BLM: variants seen among roughly 807,000 people sequenced by gnomAD.
BLM encodes recQ-like DNA helicase BLM.
In BLM, 95 loss-of-function variants were observed where a neutral mutation model predicts 135.3. The observed-to-expected ratio is 0.70, with a 90% CI of 0.59 to 0.83. The LOEUF is 0.83. Among genes scored for constraint, BLM ranks in the 40% least tolerant of loss-of-function variants. The pLI, the probability that BLM is intolerant of heterozygous loss-of-function variation, is 0.00. For synonymous variants in BLM, 520 were observed against 589.2 expected, an observed-to-expected ratio of 0.88 and a Z score of 1.70; for missense variants, 1,518 against 1,663.9, an observed-to-expected ratio of 0.91 and a Z score of 1.53.
rs764488484 is a variant in BLM at position 90,765,362 on chromosome 15, C to G, written c.2141C>G (p.Ser714Cys). ...CVSPGVTVVISPLRSLIVDQV... is the reference protein window; with the variant it reads ...CVSPGVTVVICPLRSLIVDQV... ...TCTCCTGGGGTCACTGTTGTCATTT[C>G]TCCCTTGAGATCACTTATCGTAGAT... Residue 714 changes from serine to cysteine, a missense_variant, in exon 9 of 22, where the codon TCT (serine) becomes TGT (cysteine). Physicochemically the swap from Ser to Cys is moderately radical, Grantham distance 112. Coordinates refer to ENST00000355112, the MANE Select transcript of BLM (RefSeq NM_000057.4). The G allele has an allele frequency of 1.2e-6, 2 of 1,613,864 alleles. No individual in the cohort carries two copies. Among genetic ancestry groups the G allele is most frequent in the Admixed American group, 1.7e-5 (1 of 60,006 alleles).
Position 90,761,078 on chromosome 15 carries a change from G to T in BLM, c.1705G>T (p.Asp569Tyr). 1 of 1,569,296 alleles carries T rather than the reference G, an allele frequency of 6.4e-7. No individual in the cohort carries two copies. Among genetic ancestry groups the T allele is most frequent in the Non-Finnish European group, 8.6e-7 (1 of 1,161,668 alleles). Residue 569 changes from aspartate to tyrosine, a missense_variant, in exon 7 of 22, where the codon GAC (aspartate) becomes TAC (tyrosine). Physicochemically the swap from Asp to Tyr is radical, Grantham distance 160. Coordinates refer to ENST00000355112, the MANE Select transcript of BLM (RefSeq NM_000057.4). ...CTTTGATGATGATGATGACTGGGAAGACATAATGCATAATTTAGCAGCCAG... is the reference window on the plus strand; with the variant it reads ...CTTTGATGATGATGATGACTGGGAATACATAATGCATAATTTAGCAGCCAG... ...DDFDDDDDWE[D>Y]IMHNLAASKS...
chr15:90,794,725 T>C (rs2151187711), intron 16 of BLM, among the ~76,000 whole-genome samples: 1 of 148,942 alleles, frequency 6.7e-6, no homozygotes, highest in East Asian at 1.9e-4. Flanking sequence ...TATAATACAT[T>C]ATATTAAAAA....
Position 90,720,300 on chromosome 15 carries a change from CAG to C in BLM, c.-5+2865_-5+2866del, listed in dbSNP as rs528051429. ...CTGAATGAAAAATACAAGTTGAAGA[CAG>C]AGAGTGAAAGTTCTTGGAGTTATGA... is the stretch of plus-strand genomic sequence containing the variant. On this transcript the variant is annotated intron_variant, in intron 1 of 21. Coordinates refer to ENST00000355112, the MANE Select transcript of BLM (RefSeq NM_000057.4). Among the ~76,000 whole-genome samples, 401 of 152,242 alleles carry C rather than the reference CAG, an allele frequency of 2.6e-3. 1 individual carries two copies. Among genetic ancestry groups the C allele is most frequent in the African/African-American group, 9.3e-3 (388 of 41,554 alleles).
intron 16 of BLM, among the ~76,000 whole-genome samples, chr15:90,796,627 G>C (rs1390100745): frequency 1.3e-5 from 2 of 152,166 alleles, no homozygotes; most frequent in Non-Finnish European, 2.9e-5. Flanking sequence ...AGGAATGATA[G>C]GCTAGGGAAG....
intron 17 of BLM, among the ~76,000 whole-genome samples, chr15:90,799,519 A>G (rs1336497590): frequency 6.6e-6 from 1 of 151,840 alleles, no homozygotes; most frequent in Non-Finnish European, 1.5e-5. Flanking sequence ...TTTTGGAAAT[A>G]GAAAATAAAG....
chr15:90,755,575 G>C (rs1013766838), intron 5 of BLM, among the ~76,000 whole-genome samples: 1 of 151,806 alleles, frequency 6.6e-6, no homozygotes, highest in Non-Finnish European at 1.5e-5. Context: ...TCCCACTCTT[G>C]GTGTCTGCTG....
chr15:90,781,168 A>G (rs1190740282), intron 12 of BLM, among the ~76,000 whole-genome samples: 1 of 152,180 alleles, frequency 6.6e-6, no homozygotes, highest in Non-Finnish European at 1.5e-5. Context: ...AGTCAGCCAC[A>G]TTTTATTTGG....
At position 90,811,738 on chromosome 15, in the gene BLM, A is replaced by G. The variant is rs572342397; in HGVS notation, c.4076+332A>G. 4.6e-5 allele frequency among the ~76,000 whole-genome samples: 7 copies of G among 152,170 alleles called. No individual in the cohort carries two copies. In the South Asian group the frequency reaches 1.0e-3, roughly 23 times the overall value. On this transcript the variant is annotated intron_variant, in intron 21 of 21. Transcript: ENST00000355112. ...AGTGGCACAATCTCGGCTCACTGCAACCTCTGCCTCCTGTACTCAAGTGAT... is the reference window on the plus strand; with the variant it reads ...AGTGGCACAATCTCGGCTCACTGCAGCCTCTGCCTCCTGTACTCAAGTGAT...
In BLM at chr15:90,790,837, T is replaced by C. The variant is rs2151184763; in HGVS notation, c.3012T>C (p.Leu1004=). Residue 1004 remains leucine, a synonymous_variant, in exon 15 of 22, where the codon CTT becomes CTC. Transcript: ENST00000355112. ...TYHDVTRLKR[L]IMMEKDGNHH... ...ATGATGTGACCAGACTGAAAAGACT[T>C]ATAATGAGTAAGCTGGGCTCCATTG... is the stretch of plus-strand genomic sequence containing the variant. The C allele has an allele frequency of 6.2e-7, 1 of 1,613,544 alleles. No individual in the cohort carries two copies. Among genetic ancestry groups the C allele is most frequent in the Non-Finnish European group, 8.5e-7 (1 of 1,179,450 alleles).
intron 12 of BLM, among the ~76,000 whole-genome samples, chr15:90,776,175 C>T (rs907488485): frequency 6.6e-6 from 1 of 152,116 alleles, no homozygotes; most frequent in Non-Finnish European, 1.5e-5. Flanking sequence ...ACGTAATGAT[C>T]AGTCATCAAA....
intron 16 of BLM, among the ~76,000 whole-genome samples, chr15:90,795,005 T>C (rs1050658354): frequency 3.3e-5 from 5 of 152,168 alleles, no homozygotes; most frequent in African/African-American, 9.7e-5. Context: ...ATCTTGGTAA[T>C]TCTACATTTT....
Position 90,759,923 on chromosome 15 carries a change from A to G in BLM, c.1088-224A>G, listed in dbSNP as rs1186076794. The G allele has an allele frequency of 5.8e-5, 21 of 360,758 alleles. 1 individual carries two copies. The highest frequency in any genetic ancestry group is 6.6e-5 in the East Asian group (1 of 15,132). 22.3% of individuals were successfully genotyped at this position (360,758 alleles called of 1,614,324 possible). ...TGCCCAGCCCCACTTTAAAAAAAAA[A>G]AAAAAAAAGAAAAAGAAATCAAGAT... On this transcript the variant is annotated intron_variant, in intron 5 of 21. Coordinates refer to ENST00000355112, the MANE Select transcript of BLM (RefSeq NM_000057.4).
chr15:90,810,732 T>C (rs1169746611), intron 20 of BLM, among the ~76,000 whole-genome samples: 1 of 152,248 alleles, frequency 6.6e-6, no homozygotes, highest in East Asian at 1.9e-4. Flanking sequence ...AATTTTCTTA[T>C]GTTCATTTAC....
At chr15:90,718,207 T>C (rs1204232050) in intron 1 of BLM, among the ~76,000 whole-genome samples, 1 of 152,228 alleles carries the variant, frequency 6.6e-6, no homozygotes, top group Non-Finnish European at 1.5e-5. Context: ...GAGAAGCGGA[T>C]GAAATTGTCC....
At chr15:90,778,540 T>A (rs1225078334) in intron 12 of BLM, among the ~76,000 whole-genome samples, 2 of 152,126 alleles carry the variant, frequency 1.3e-5, no homozygotes, top group African/African-American at 4.8e-5. Context: ...CACATCCCCA[T>A]CCTGCCAGCC....
rs1301812486 is a variant in BLM, at chr15:90,790,652, A to G, written c.2827A>G (p.Ile943Val). Residue 943 changes from isoleucine (I) to valine (V), a missense_variant, in exon 15 of 22, where the codon ATC becomes GTC. Transcript: ENST00000355112. Reference protein sequence around the residue: ...KWINQDGCQVICATIAFGMGI... With the variant: ...KWINQDGCQVVCATIAFGMGI... ...TAAGCTTTTGCTTTTATATCAGGTTATCTGTGCTACAATTGCATTTGGAAT... is the reference window on the plus strand; with the variant it reads ...TAAGCTTTTGCTTTTATATCAGGTTGTCTGTGCTACAATTGCATTTGGAAT... The G allele has an allele frequency of 6.2e-7, 1 of 1,613,934 alleles. No homozygotes were observed. The highest frequency in any genetic ancestry group is 8.5e-7 in the Non-Finnish European group (1 of 1,179,904).
At chr15:90,779,305 G>A (rs1477921204) in intron 12 of BLM, among the ~76,000 whole-genome samples, 1 of 151,876 alleles carries the variant, frequency 6.6e-6, no homozygotes, top group Non-Finnish European at 1.5e-5. Context: ...ACTTGTTTTT[G>A]TCTCTCTTTT....
intron 9 of BLM, among the ~76,000 whole-genome samples, chr15:90,766,403 A>G (rs559122361): frequency 6.6e-6 from 1 of 152,266 alleles, no homozygotes; most frequent in East Asian, 1.9e-4. Flanking sequence ...TAATGAGAAG[A>G]CCATTTTGTG....
chr15:90,804,368 A>C lies in BLM; in HGVS notation c.3751+9A>C, dbSNP rs774368488. On this transcript the variant is annotated intron_variant, in intron 19 of 21. Coordinates refer to ENST00000355112, the MANE Select transcript of BLM (RefSeq NM_000057.4). ...TCTCAAGAAGCTTGCAGGTGGGTACACATGTATCCTTTGTTACGTGGCACA... is the reference window on the plus strand; with the variant it reads ...TCTCAAGAAGCTTGCAGGTGGGTACCCATGTATCCTTTGTTACGTGGCACA... 7.9e-5 allele frequency: 127 copies of C among 1,609,692 alleles called. No homozygotes were observed. Among genetic ancestry groups the C allele is most frequent in the Non-Finnish European group, 1.0e-4 (119 of 1,176,074 alleles).
Sources: allele counts gnomAD v4.1 joint callset (sites outside exome capture counted in the v4.1 genomes callset), GRCh38; gene constraint gnomAD v4.1.1; transcripts MANE v1.5; gene names NCBI Gene and HGNC (gene_info 2026-07-23, HGNC 2026-07-21).